PKHD1: variants seen among roughly 807,000 people sequenced by gnomAD.
The protein encoded by PKHD1 is PKHD1 ciliary IPT domain containing fibrocystin/polyductin.
PKHD1 carries 291 observed loss-of-function variants against 412.0 expected under a neutral mutation model. The ratio of observed to expected loss-of-function variants is 0.71; its 90% CI spans 0.64 to 0.78. The LOEUF is 0.78. Among genes scored for constraint, PKHD1 ranks in the 30% least tolerant of loss-of-function variants. The pLI, the probability that PKHD1 is intolerant of heterozygous loss-of-function variation, is 0.00. For synonymous variants in PKHD1, 1,777 were observed against 1,821.5 expected (o/e 0.98, Z 0.62); for missense variants, 4,825 against 4,950.7 (o/e 0.97, Z 0.76).
chr6:52,002,446 C>G lies in PKHD1; in HGVS notation c.5751+7863G>C, dbSNP rs569919638. ...TCTGCCTTTCCAGCTTCTCCTCCCC[C>G]TGAAGTAGGTAATTCTCATACATTT... On this transcript the variant is annotated intron_variant, in intron 35 of 66. Transcript: ENST00000371117. Among the ~76,000 whole-genome samples, 45 of 152,324 alleles carry G rather than the reference C, an allele frequency of 3.0e-4. 2 individuals are homozygous for G. The highest frequency in any genetic ancestry group is 3.4e-3 in the Middle Eastern group (1 of 294).
At chr6:51,666,010 C>G (rs892255189) in intron 60 of PKHD1, among the ~76,000 whole-genome samples, 1 of 152,010 alleles carries the variant, frequency 6.6e-6, no homozygotes, top group Non-Finnish European at 1.5e-5. Flanking sequence ...AACAGGAAGT[C>G]AAGTATGACG....
intron 52 of PKHD1, among the ~76,000 whole-genome samples, chr6:51,810,796 T>C (rs1190175684): frequency 6.6e-6 from 1 of 152,194 alleles, no homozygotes; most frequent in East Asian, 1.9e-4. Context: ...TAAAACTTAT[T>C]TAGTCATTCT....
chr6:51,674,154 G>T (rs1051994845), intron 60 of PKHD1, among the ~76,000 whole-genome samples: 8 of 152,140 alleles, frequency 5.3e-5, no homozygotes, highest in African/African-American at 1.9e-4. Context: ...TTTGTCAATG[G>T]GATGCTCTGG....
chr6:51,796,533 T>C (rs1183103234), intron 52 of PKHD1, among the ~76,000 whole-genome samples: 1 of 152,138 alleles, frequency 6.6e-6, no homozygotes, highest in Non-Finnish European at 1.5e-5. Flanking sequence ...TCTTGTCTTC[T>C]GCTAGCTTTG....
At chr6:51,997,231 C>G (rs1797819735) in intron 35 of PKHD1, among the ~76,000 whole-genome samples, 1 of 152,208 alleles carries the variant, frequency 6.6e-6, no homozygotes, top group Non-Finnish European at 1.5e-5. Flanking sequence ...GAATCTGACA[C>G]TCTGCAAGGC....
chr6:52,065,195 A>AGAGAGG (rs1562269588), intron 12 of PKHD1, 145 bp from the exon 13 acceptor site: 1 of 182,370 alleles, frequency 5.5e-6, no homozygotes, highest in Non-Finnish European at 1.1e-5. Flanking sequence ...AGAGAGAGAG[A>AGAGAGG]GACAGAGAGA....
chr6:52,024,718 T>A lies in PKHD1; in HGVS notation c.5092A>T (p.Asn1698Tyr), dbSNP rs1484564351. The A allele has an allele frequency of 1.2e-6, 2 of 1,614,224 alleles. No homozygotes were observed. Among genetic ancestry groups the A allele is most frequent in the Non-Finnish European group, 8.5e-7 (1 of 1,180,036 alleles). Residue 1698 changes from asparagine to tyrosine, a missense_variant, in exon 32 of 67, where the codon AAC (asparagine) becomes TAC (tyrosine). Transcript: ENST00000371117. ...ACCACGCACTGAAGAACGGTGTGGT[T>A]ACCAGAGACACCCACACAGGGTGAC... ...GMSPCVGVSG[N>Y]HTVLQCVVPS...
At chr6:51,672,412 C>A (rs1368741724) in intron 60 of PKHD1, among the ~76,000 whole-genome samples, 1 of 152,206 alleles carries the variant, frequency 6.6e-6, no homozygotes, top group Non-Finnish European at 1.5e-5. Context: ...GTTAAAATAT[C>A]TTAATTTTGA....
chr6:51,895,274 G>GT (rs1471382023), intron 43 of PKHD1, among the ~76,000 whole-genome samples: 2 of 152,086 alleles, frequency 1.3e-5, no homozygotes, highest in Non-Finnish European at 2.9e-5. Flanking sequence ...GGGAACACAG[G>GT]TTTTTTTCAC....
chr6:52,017,146 T>C (rs990165448), intron 34 of PKHD1, among the ~76,000 whole-genome samples: 1 of 152,218 alleles, frequency 6.6e-6, no homozygotes, highest in African/African-American at 2.4e-5. Context: ...GATCGGAAGA[T>C]AAATATTAAA....
At position 52,055,746 on chromosome 6, in the gene PKHD1, T is replaced by C. The variant is rs551532789; in HGVS notation, c.1694-17A>G. 2 of 1,613,394 alleles carry C rather than the reference T, an allele frequency of 1.2e-6. No individual in the cohort carries two copies. Among genetic ancestry groups the C allele is most frequent in the African/African-American group, 1.3e-5 (1 of 74,998 alleles). Reference sequence around the variant, plus strand: ...CTTCTGGGCCTGGATGCAGTTCAGATAAAATAGAAAGGCAGGCATAGATAT... The same window carrying C: ...CTTCTGGGCCTGGATGCAGTTCAGACAAAATAGAAAGGCAGGCATAGATAT... On this transcript the variant is annotated splice_polypyrimidine_tract_variant and intron_variant, in intron 18 of 66. Transcript: ENST00000371117.
In PKHD1 at chr6:51,957,604, C is replaced by T. The variant is rs183960956; in HGVS notation, c.5908+2266G>A. Among the ~76,000 whole-genome samples the T allele has an allele frequency of 4.5e-4, 68 of 152,090 alleles. No homozygotes were observed. In the East Asian group the frequency reaches 8.1e-3, roughly 18 times the overall value. On this transcript the variant is annotated intron_variant, in intron 36 of 66. Coordinates refer to ENST00000371117, the MANE Select transcript of PKHD1 (RefSeq NM_138694.4). ...GGACACATGTTGAAGATCCAGCCGA[C>T]GGGGTTCACTGATGGGGTGGTCATA...
chr6:52,059,259 CTTTTTTTTTTTT>C (rs55992586), intron 15 of PKHD1, among the ~76,000 whole-genome samples: 2 of 83,524 alleles, frequency 2.4e-5, no homozygotes, highest in African/African-American at 5.2e-5. Context: ...TTTTCTTTTT[CTTTTTTTTTTTT>C]TTTTTTTTTT....
intron 35 of PKHD1, among the ~76,000 whole-genome samples, chr6:52,001,194 A>G (rs28563114): frequency 0.015 from 2,265 of 152,324 alleles, 62 homozygotes; most frequent in African/African-American, 0.052. Context: ...AGTTTATTTC[A>G]TATTATTAGA....
At chr6:51,696,222 G>T (rs866905147) in intron 60 of PKHD1, among the ~76,000 whole-genome samples, 21 of 152,274 alleles carry the variant, frequency 1.4e-4, no homozygotes, top group Middle Eastern at 3.4e-3. Context: ...TGTAGCACTT[G>T]GAAGGCTACT....
intron 52 of PKHD1, among the ~76,000 whole-genome samples, chr6:51,801,654 T>TGTGTGTGTGTGTGTGTGTGTGTGTGTGA (rs751203950): frequency 0.017 from 1,922 of 113,860 alleles, 20 homozygotes; most frequent in South Asian, 0.024. Flanking sequence ...TGTGTGTGTG[T>TGTGTGTGTGTGTGTGTGTGTGTGTGTGA]GAGAGAGAGA....
chr6:51,665,162 CA>C (rs967818122), intron 60 of PKHD1, among the ~76,000 whole-genome samples: 81 of 151,840 alleles, frequency 5.3e-4, no homozygotes, highest in African/African-American at 1.9e-3. Flanking sequence ...AAATACCGTA[CA>C]AAAAAAATCT....
At chr6:52,052,052 T>C (rs981123102) in intron 21 of PKHD1, among the ~76,000 whole-genome samples, 2 of 152,162 alleles carry the variant, frequency 1.3e-5, no homozygotes, top group African/African-American at 4.8e-5. Context: ...TTGCCACCCA[T>C]CCCCAAGTTC....
At position 51,941,145 on chromosome 6, in the gene PKHD1, T is replaced by A. The variant is rs1485919836; in HGVS notation, c.5909-6823A>T. On this transcript the variant is annotated intron_variant, in intron 36 of 66. Transcript: ENST00000371117. ...CCTTTACCATCCCATTAAAACCTAA[T>A]CACCCTTACCCCACTCAATGCCAAT... Among the ~76,000 whole-genome samples, 6 of 147,094 alleles carry A rather than the reference T, an allele frequency of 4.1e-5. 1 individual carries two copies. The highest frequency in any genetic ancestry group is 7.5e-5 in the Non-Finnish European group (5 of 66,584).
Sources: gnomAD v4.1 joint callset for allele counts (sites outside exome capture counted in the v4.1 genomes callset) on GRCh38, gnomAD v4.1.1 for gene constraint, MANE v1.5 for transcripts, NCBI Gene and HGNC (gene_info 2026-07-23, HGNC 2026-07-21) for gene names.